The following NKAP variants were observed in gnomAD, a reference collection of about 807,000 sequenced individuals.
The protein encoded by NKAP is NF-kappa-B-activating protein.
Under a neutral mutation model 35.6 loss-of-function variants are expected in NKAP, and 4 were observed. The observed-to-expected ratio is 0.11, with a 90% CI of 0.06 to 0.26. The LOEUF is 0.26. Among genes scored for constraint, NKAP ranks in the 10% least tolerant of loss-of-function variants. NKAP has a pLI of 1.00. For missense variants in NKAP, 238 were observed against 321.9 expected, an observed-to-expected ratio of 0.74 and a Z score of 1.99; for synonymous variants, 106 against 119.2, an observed-to-expected ratio of 0.89 and a Z score of 0.72.
rs757277556 is a variant in NKAP at position 119,936,605 on chromosome X, A to T, written c.538+7T>A. On this transcript the variant is annotated splice_region_variant and intron_variant, in intron 3 of 8. Transcript: ENST00000371410. ...GTATTTTAAAAATACCCTTTTTTTA[A>T]AAATACCTTCTGAAGTAGAAGCTGA... is the stretch of plus-strand genomic sequence containing the variant. 6 of 1,143,770 alleles carry T rather than the reference A, an allele frequency of 5.2e-6. No individual in the cohort carries two copies. In the South Asian group the frequency reaches 5.9e-5, roughly 11 times the overall value. 94.3% of individuals were successfully genotyped at this position (1,143,770 alleles called of 1,213,427 possible).
rs544992138 is a variant in NKAP, at chrX:119,931,615, G to A, written c.923+321C>T. 5.4e-5 allele frequency among the ~76,000 whole-genome samples: 6 copies of A among 112,090 alleles called. No homozygotes were observed. The South Asian group carries it at 2.2e-3, about 41-fold the overall frequency. ...CAGAAATCACACCTACTTGTGGAGG[G>A]GAAGTATTGGGAATCAGCATATGCA... On this transcript the variant is annotated intron_variant, in intron 7 of 8. Transcript: ENST00000371410.
chrX:119,933,703 G>A (rs191423114), intron 5 of NKAP, among the ~76,000 whole-genome samples: 1 of 110,163 alleles, frequency 9.1e-6, no homozygotes, highest in Admixed American at 9.8e-5. Flanking sequence ...TTTAAATATA[G>A]AGACAGGATC....
chrX:119,925,171 G>C lies in NKAP; in HGVS notation c.*49C>G. ...TTTTTCTATGTATGTGTGGAACCCAGACTTTCTTTTTTGTTGTTAAAAATG... is the reference window on the plus strand; with the variant it reads ...TTTTTCTATGTATGTGTGGAACCCACACTTTCTTTTTTGTTGTTAAAAATG... On this transcript the variant is annotated 3_prime_UTR_variant, in exon 9 of 9. Coordinates refer to ENST00000371410, the MANE Select transcript of NKAP (RefSeq NM_024528.4). 1 of 1,165,435 alleles carries C rather than the reference G, an allele frequency of 8.6e-7. No individual in the cohort carries two copies. The highest frequency in any genetic ancestry group is 2.4e-4 in the Middle Eastern group (1 of 4,223).
At chrX:119,929,217 T>C (rs1040972389) in intron 8 of NKAP, among the ~76,000 whole-genome samples, 1 of 112,117 alleles carries the variant, frequency 8.9e-6, no homozygotes, top group Non-Finnish European at 1.9e-5. Context: ...TCCTTGTGTC[T>C]CTAATTTCTT....
At chrX:119,941,788 G>C (rs1420973534) in intron 1 of NKAP, among the ~76,000 whole-genome samples, 2 of 111,154 alleles carry the variant, frequency 1.8e-5, no homozygotes, top group African/African-American at 6.5e-5. Flanking sequence ...ACCACGCCCA[G>C]CTGATTTTTA....
chrX:119,934,736 A>G (rs1274245746), intron 4 of NKAP, among the ~76,000 whole-genome samples, 179 bp from the exon 5 acceptor site: 1 of 111,117 alleles, frequency 9.0e-6, no homozygotes, highest in Non-Finnish European at 1.9e-5. Flanking sequence ...CATAGAAATT[A>G]AAGTCACTAG....
At chrX:119,934,177 A>C (rs1289947755) in intron 5 of NKAP, among the ~76,000 whole-genome samples, 2 of 109,702 alleles carry the variant, frequency 1.8e-5, no homozygotes, top group Non-Finnish European at 3.8e-5. Flanking sequence ...TCACTCCTGT[A>C]ATCCCAGCAC....
intron 8 of NKAP, among the ~76,000 whole-genome samples, chrX:119,926,786 C>T (rs2056716577): frequency 9.2e-6 from 1 of 108,319 alleles, no homozygotes; most frequent in Non-Finnish European, 1.9e-5. Context: ...CTAGGCTGGG[C>T]ATGGTGGCTC....
At chrX:119,939,802 G>A (rs1253863236) in intron 1 of NKAP, among the ~76,000 whole-genome samples, 4 of 109,211 alleles carry the variant, frequency 3.7e-5, no homozygotes, top group African/African-American at 1.0e-4. Flanking sequence ...GGGAGGCTGA[G>A]GCAGGAGAAT....
rs897688653 is a variant in NKAP at position 119,924,872 on chromosome X, G to A, written c.*348C>T. The A allele has an allele frequency of 1.6e-5, 3 of 183,547 alleles. No homozygotes were observed. The highest frequency in any genetic ancestry group is 3.3e-5 in the African/African-American group (1 of 30,691). The allele number at this position is 183,547 out of a possible 1,213,427, so 15.1% of individuals were successfully genotyped here. On this transcript the variant is annotated 3_prime_UTR_variant, in exon 9 of 9. Transcript: ENST00000371410. Reference sequence around the variant, plus strand: ...TGGCTGATTTTGTATTTTCAGTAGGGACAGGGTTTCACCATGTTGGCCAGG... The same window carrying A: ...TGGCTGATTTTGTATTTTCAGTAGGAACAGGGTTTCACCATGTTGGCCAGG...
chrX:119,932,656 C>T (rs2056747681), intron 5 of NKAP: 1 of 111,164 alleles, frequency 9.0e-6, no homozygotes, highest in African/African-American at 3.3e-5. Flanking sequence ...ACTTATTTAA[C>T]CAAATCATCT....
chrX:119,925,187 G>A lies in NKAP; in HGVS notation c.*33C>T. On this transcript the variant is annotated 3_prime_UTR_variant, in exon 9 of 9. Coordinates refer to ENST00000371410, the MANE Select transcript of NKAP (RefSeq NM_024528.4). ...TGGAACCCAGACTTTCTTTTTTGTT[G>A]TTAAAAATGTCTTCTGGACAATCAG... The A allele has an allele frequency of 8.4e-7, 1 of 1,186,535 alleles. No homozygotes were observed. The highest frequency in any genetic ancestry group is 1.1e-6 in the Non-Finnish European group (1 of 883,097).
In NKAP at chrX:119,924,219, C is replaced by G. The variant is rs2056699090; in HGVS notation, c.*1001G>C. ...AAGTCCATTTATAACACATTCAACA[C>G]AGAGGAGTGATAATTTCCCAAAAGT... is the stretch of plus-strand genomic sequence containing the variant. On this transcript the variant is annotated 3_prime_UTR_variant, in exon 9 of 9. Coordinates refer to ENST00000371410, the MANE Select transcript of NKAP (RefSeq NM_024528.4). 1 of 110,632 alleles carries G rather than the reference C, an allele frequency of 9.0e-6. No individual in the cohort carries two copies. The highest frequency in any genetic ancestry group is 9.8e-5 in the Admixed American group (1 of 10,207). The allele number at this position is 110,632 out of a possible 1,213,427, so 9.1% of individuals were successfully genotyped here.
chrX:119,933,377 T>C (rs1404817476), intron 5 of NKAP, among the ~76,000 whole-genome samples: 1 of 111,718 alleles, frequency 9.0e-6, no homozygotes, highest in African/African-American at 3.3e-5. Flanking sequence ...ATAATGACCA[T>C]CAATGGCTGT....
Position 119,932,010 on chromosome X carries a change from C to T in NKAP, c.849G>A (p.Lys283=). ...FLENPWKDRT[K]AEEPSDLIGP... ...CAATTAAATCTGATGGTTCTTCAGC[C>T]TCTGCATGAAAGATATTAAGAAACA... The change falls in exon 7 of 9, where the codon AAG becomes AAA. Residue 283 remains lysine (K), a splice_region_variant and synonymous_variant. Coordinates refer to ENST00000371410, the MANE Select transcript of NKAP (RefSeq NM_024528.4). 1 of 1,206,071 alleles carries T rather than the reference C, an allele frequency of 8.3e-7. No homozygotes were observed. Among genetic ancestry groups the T allele is most frequent in the South Asian group, 1.8e-5 (1 of 56,685 alleles).
chrX:119,929,979 C>G (rs772476381), intron 8 of NKAP, 37 bp downstream of exon 8: 5 of 1,117,289 alleles, frequency 4.5e-6, no homozygotes, highest in African/African-American at 1.9e-5. Flanking sequence ...AGAAAAAGAT[C>G]TAATCATGGA....
Position 119,921,709 on chromosome X carries a change from G to A in NKAP, c.*3511C>T, listed in dbSNP as rs891000884. Reference sequence around the variant, plus strand: ...TCCCAAAGAATATGCCAATGAAGCTGTTCTTGATGTCACAATATTCATATA... The same window carrying A: ...TCCCAAAGAATATGCCAATGAAGCTATTCTTGATGTCACAATATTCATATA... On this transcript the variant is annotated 3_prime_UTR_variant, in exon 9 of 9. Transcript: ENST00000371410. The A allele has an allele frequency of 1.8e-5, 2 of 110,233 alleles. No individual in the cohort carries two copies. Among genetic ancestry groups the A allele is most frequent in the Non-Finnish European group, 3.8e-5 (2 of 52,913 alleles). The allele number at this position is 110,233 out of a possible 1,213,427, so 9.1% of individuals were successfully genotyped here. A position where few individuals can be genotyped will look rare whatever the true frequency, so the allele number is the denominator to read the frequency against.
intron 8 of NKAP, among the ~76,000 whole-genome samples, chrX:119,925,927 T>C (rs1169156430): frequency 1.9e-5 from 1 of 53,761 alleles, no homozygotes; most frequent in East Asian, 4.3e-4. Flanking sequence ...TTATCCTTTT[T>C]TCTTTTTTTT....
chrX:119,931,928 C>T lies in NKAP; in HGVS notation c.923+8G>A, dbSNP rs2056743364. Reference sequence around the variant, plus strand: ...TACTTTAGATATTATAAACACACTGCTGCTTACTTCAAAGGTTTATCATCT... The same window carrying T: ...TACTTTAGATATTATAAACACACTGTTGCTTACTTCAAAGGTTTATCATCT... On this transcript the variant is annotated splice_region_variant and intron_variant, in intron 7 of 8. Transcript: ENST00000371410. The T allele has an allele frequency of 8.6e-7, 1 of 1,163,999 alleles. No homozygotes were observed. The highest frequency in any genetic ancestry group is 1.2e-6 in the Non-Finnish European group (1 of 862,852).
Sources: allele counts gnomAD v4.1 joint callset (sites outside exome capture counted in the v4.1 genomes callset), GRCh38; gene constraint gnomAD v4.1.1; transcripts MANE v1.5; gene names NCBI Gene and HGNC (gene_info 2026-07-23, HGNC 2026-07-21).